PUS7L: variants seen among roughly 807,000 people sequenced by gnomAD.
PUS7L encodes the protein pseudouridylate synthase PUS7L.
In PUS7L, 49 loss-of-function variants were observed where a neutral mutation model predicts 51.1. The ratio of observed to expected loss-of-function variants is 0.96; its 90% CI spans 0.76 to 1.22. The LOEUF (loss-of-function observed/expected upper bound fraction) is 1.22, where lower values mean the gene tolerates loss of function less well. PUS7L is among the 50% of genes most tolerant of loss of function. PUS7L has a pLI of 0.00. For missense variants in PUS7L, 828 were observed against 820.6 expected (o/e 1.01, Z -0.11); for synonymous variants, 277 against 276.2 (o/e 1.00, Z -0.03).
intron 7 of PUS7L, among the ~76,000 whole-genome samples, chr12:43,732,792 T>C (rs1332324452): frequency 6.6e-6 from 1 of 152,178 alleles, no homozygotes; most frequent in Non-Finnish European, 1.5e-5. Flanking sequence ...TGTTTTTAAT[T>C]TAGGGTTTGT....
intron 7 of PUS7L, among the ~76,000 whole-genome samples, chr12:43,732,521 T>A (rs1454476629): frequency 6.6e-6 from 1 of 152,158 alleles, no homozygotes. Context: ...TGGTAACAGG[T>A]GTCACATACA....
intron 1 of PUS7L, among the ~76,000 whole-genome samples, chr12:43,758,042 T>C (rs144811115): frequency 1.3e-3 from 200 of 152,302 alleles, no homozygotes; most frequent in African/African-American, 4.6e-3. Flanking sequence ...AAACATGCTT[T>C]TGGAATTGTA....
At chr12:43,731,010 T>A (rs1312952514) in intron 8 of PUS7L, among the ~76,000 whole-genome samples, 2 of 152,224 alleles carry the variant, frequency 1.3e-5, no homozygotes, top group Non-Finnish European at 2.9e-5. Context: ...TTAATCTGTA[T>A]AAAATAAAGC....
intron 2 of PUS7L, among the ~76,000 whole-genome samples, chr12:43,752,807 G>T (rs1938518047): frequency 6.6e-6 from 1 of 152,110 alleles, no homozygotes; most frequent in Non-Finnish European, 1.5e-5. Flanking sequence ...ATGAATGGTG[G>T]TGAGGGATGT....
At chr12:43,757,010 C>G (rs1350760862) in intron 1 of PUS7L, among the ~76,000 whole-genome samples, 1 of 152,216 alleles carries the variant, frequency 6.6e-6, no homozygotes, top group Non-Finnish European at 1.5e-5. Flanking sequence ...ACCTTTACCC[C>G]ATTACCCACT....
At chr12:43,747,485 G>A (rs1938224990) in intron 3 of PUS7L, among the ~76,000 whole-genome samples, 2 of 152,190 alleles carry the variant, frequency 1.3e-5, no homozygotes, top group South Asian at 4.1e-4. Context: ...TCTGAAGTCA[G>A]GAGTTCGAGA....
rs576990091 is a variant in PUS7L, at chr12:43,722,232, T to C, written c.*8144A>G. On this transcript the variant is annotated 3_prime_UTR_variant, in exon 9 of 9. Coordinates refer to ENST00000344862, the MANE Select transcript of PUS7L (RefSeq NM_031292.5). ...CATACTTGCAGGTGTAAATGTGTTA[T>C]GTTGAGGGGTTTGGACTGTTACTGC... 33 of 152,240 alleles carry C rather than the reference T, an allele frequency of 2.2e-4. No individual in the cohort carries two copies. The highest frequency in any genetic ancestry group is 7.2e-4 in the African/African-American group (30 of 41,572). The allele number at this position is 152,240 out of a possible 1,614,324, so 9.4% of individuals were successfully genotyped here.
At chr12:43,749,212 C>T (rs775609472) in intron 2 of PUS7L, among the ~76,000 whole-genome samples, 1 of 152,112 alleles carries the variant, frequency 6.6e-6, no homozygotes, top group Non-Finnish European at 1.5e-5. Flanking sequence ...ATCCTGTAAC[C>T]CTGCCACAGA....
chr12:43,748,690 A>C, intron 2 of PUS7L, 81 bp from the exon 3 acceptor site: 1 of 1,085,218 alleles, frequency 9.2e-7, no homozygotes, highest in East Asian at 2.5e-5. Flanking sequence ...GATTAGTATA[A>C]TAAATCAAAC....
chr12:43,748,330 C>T, intron 3 of PUS7L, 120 bp downstream of exon 3: 2 of 574,322 alleles, frequency 3.5e-6, no homozygotes, highest in South Asian at 4.1e-5. Flanking sequence ...ATTTATGAGA[C>T]ACTTTTCTGA....
At chr12:43,758,188 G>GA (rs1211415295) in intron 1 of PUS7L, 1 of 420,176 alleles carries the variant, frequency 2.4e-6, no homozygotes, top group African/African-American at 2.2e-5. Flanking sequence ...CTTTCTCCCA[G>GA]AAAAAAGGAG....
At chr12:43,755,448 C>A (rs1329072515) in intron 1 of PUS7L, among the ~76,000 whole-genome samples, 187 bp from the exon 2 acceptor site, 2 of 152,174 alleles carry the variant, frequency 1.3e-5, no homozygotes, top group Non-Finnish European at 2.9e-5. Flanking sequence ...CTATACCAAG[C>A]TGAATTAATA....
Position 43,754,818 on chromosome 12 carries a change from T to C in PUS7L, c.428A>G (p.Asp143Gly), listed in dbSNP as rs1322590985. Reference sequence around the variant, plus strand: ...TTTAGAAAGCCACTTCTCTCTTACATCACAGGCAAAATTATTCAGTAACTC... The same window carrying C: ...TTTAGAAAGCCACTTCTCTCTTACACCACAGGCAAAATTATTCAGTAACTC... ...THELLNNFACDVREKWLSKTE... is the reference protein window; with the variant it reads ...THELLNNFACGVREKWLSKTE... Residue 143 changes from aspartate (D) to glycine (G), a missense_variant, in exon 2 of 9, where the codon GAT (aspartate) becomes GGT (glycine). Coordinates refer to ENST00000344862, the MANE Select transcript of PUS7L (RefSeq NM_031292.5). 1.9e-6 allele frequency: 3 copies of C among 1,613,844 alleles called. No homozygotes were observed. The highest frequency in any genetic ancestry group is 2.5e-6 in the Non-Finnish European group (3 of 1,179,894).
chr12:43,728,090 G>A lies in PUS7L; in HGVS notation c.*2286C>T, dbSNP rs997538422. 1 of 151,662 alleles carries A rather than the reference G, an allele frequency of 6.6e-6. No individual in the cohort carries two copies. Among genetic ancestry groups the A allele is most frequent in the African/African-American group, 2.4e-5 (1 of 41,326 alleles). 9.4% of individuals were successfully genotyped at this position (151,662 alleles called of 1,614,324 possible). On this transcript the variant is annotated 3_prime_UTR_variant, in exon 9 of 9. Transcript: ENST00000344862. ...AAACTAATCCAAAGATCATGCTTAT[G>A]AAGGTCTGAAATGCCCCAGCAAAAC...
intron 7 of PUS7L, among the ~76,000 whole-genome samples, chr12:43,733,316 TTTA>T (rs1209026447): frequency 6.6e-6 from 1 of 152,218 alleles, no homozygotes; most frequent in East Asian, 1.9e-4. Flanking sequence ...CCATATACCA[TTTA>T]TTAAGAATTT....
At chr12:43,736,257 A>G (rs866766010) in intron 7 of PUS7L, 124 bp downstream of exon 7, 15 of 817,706 alleles carry the variant, frequency 1.8e-5, no homozygotes, top group Middle Eastern at 3.4e-4. Context: ...ATGAGTAAAT[A>G]TAAGTACAAA....
rs1427286420 is a variant in PUS7L, at chr12:43,737,593, T to TGAGG, written c.1444+716_1444+717insCCTC. Among the ~76,000 whole-genome samples the TGAGG allele has an allele frequency of 4.6e-5, 7 of 150,666 alleles. No homozygotes were observed. In the East Asian group the frequency reaches 1.4e-3, roughly 29 times the overall value. On this transcript the variant is annotated intron_variant, in intron 6 of 8. Coordinates refer to ENST00000344862, the MANE Select transcript of PUS7L (RefSeq NM_031292.5). Reference sequence around the variant, plus strand: ...AAGGTAATATTTATAATATTATAAATAATATTATTTAAATAAAGGTAATAT... The same window carrying TGAGG: ...AAGGTAATATTTATAATATTATAAATGAGGAATATTATTTAAATAAAGGTAATAT...
At chr12:43,732,797 G>A (rs1036431008) in intron 7 of PUS7L, among the ~76,000 whole-genome samples, 5 of 151,968 alleles carry the variant, frequency 3.3e-5, no homozygotes, top group African/African-American at 1.2e-4. Flanking sequence ...TTAATTTAGG[G>A]TTTGTTTTTT....
At position 43,723,653 on chromosome 12, in the gene PUS7L, T is replaced by G. The variant is rs1401721985; in HGVS notation, c.*6723A>C. The G allele has an allele frequency of 6.6e-6, 1 of 152,126 alleles. No individual in the cohort carries two copies. Among genetic ancestry groups the G allele is most frequent in the Non-Finnish European group, 1.5e-5 (1 of 67,954 alleles). The allele number at this position is 152,126 out of a possible 1,614,324, so 9.4% of individuals were successfully genotyped here. ...ATATTATTTATTTTTGTCTTTCCCA[T>G]AGCATTTTGTAGAGTACCTTTCACT... On this transcript the variant is annotated 3_prime_UTR_variant, in exon 9 of 9. Transcript: ENST00000344862.
Sources: gnomAD v4.1 joint callset for allele counts (sites outside exome capture counted in the v4.1 genomes callset) on GRCh38, gnomAD v4.1.1 for gene constraint, MANE v1.5 for transcripts, NCBI Gene and HGNC (gene_info 2026-07-23, HGNC 2026-07-21) for gene names.